The following SLC24A2 variants were observed in gnomAD, a reference collection of about 807,000 sequenced individuals.
SLC24A2 encodes the protein solute carrier family 24 member 2.
In SLC24A2, 36 loss-of-function variants were observed where a neutral mutation model predicts 62.0. The ratio of observed to expected loss-of-function variants is 0.58; its 90% CI spans 0.44 to 0.77. The LOEUF (loss-of-function observed/expected upper bound fraction) is 0.77. Among genes scored for constraint, SLC24A2 ranks in the 30% least tolerant of loss-of-function variants. The probability of loss-of-function intolerance (pLI) is 0.00; values close to 1 mark genes in which losing one functional copy is unlikely to be tolerated. For missense variants in SLC24A2, 846 were observed against 817.9 expected, an observed-to-expected ratio of 1.03 and a Z score of -0.42; for synonymous variants, 358 against 294.0, an observed-to-expected ratio of 1.22 and a Z score of -2.23.
chr9:20,145,694 C>T, the SLC24A2 span, among the ~76,000 whole-genome samples: 1 of 151,400 alleles, frequency 6.6e-6, no homozygotes, highest in Admixed American at 6.6e-5. Flanking sequence ...ACAATCCTAC[C>T]CCTTCCTCAG....
intron 5 of SLC24A2, among the ~76,000 whole-genome samples, chr9:19,595,006 CT>C (rs1836667387): frequency 1.3e-5 from 2 of 152,276 alleles, no homozygotes; most frequent in South Asian, 4.1e-4. Context: ...TTTTCTAGTA[CT>C]TGAGAGGGAT....
the SLC24A2 span, among the ~76,000 whole-genome samples, chr9:19,944,904 A>T: frequency 3.3e-5 from 5 of 152,180 alleles, no homozygotes; most frequent in Non-Finnish European, 7.4e-5. Flanking sequence ...TCAGATTTCT[A>T]TTTGAAGAAA....
chr9:19,887,915 C>T, the SLC24A2 span, among the ~76,000 whole-genome samples: 6 of 152,156 alleles, frequency 3.9e-5, no homozygotes, highest in Non-Finnish European at 8.8e-5. Context: ...GAAAACCAAA[C>T]ATTGCATGTT....
the SLC24A2 span, among the ~76,000 whole-genome samples, chr9:19,906,176 G>T: frequency 4.6e-5 from 7 of 152,078 alleles, no homozygotes; most frequent in Non-Finnish European, 7.4e-5. Flanking sequence ...AAGAAACTCA[G>T]TCAAAAACAC....
intron 7 of SLC24A2, among the ~76,000 whole-genome samples, chr9:19,555,617 G>A (rs1586950718): frequency 6.6e-6 from 1 of 152,212 alleles, no homozygotes; most frequent in Admixed American, 6.5e-5. Flanking sequence ...CTTCAGTGGT[G>A]TAATAGAAAT....
chr9:19,697,545 G>T (rs1283236288), intron 2 of SLC24A2, among the ~76,000 whole-genome samples: 1 of 152,088 alleles, frequency 6.6e-6, no homozygotes, highest in Non-Finnish European at 1.5e-5. Context: ...CTTTTTAATT[G>T]CATAAATAAG....
chr9:19,541,910 G>A (rs1053774274), intron 8 of SLC24A2, among the ~76,000 whole-genome samples: 9 of 152,290 alleles, frequency 5.9e-5, no homozygotes, highest in Admixed American at 2.6e-4. Flanking sequence ...GTCTCCTGGT[G>A]CGCCGTTTTT....
chr9:19,863,782 T>G, the SLC24A2 span, among the ~76,000 whole-genome samples: 1,198 of 151,726 alleles, frequency 7.9e-3, 22 homozygotes, highest in African/African-American at 0.028. Context: ...CCTGATGGTG[T>G]ATCTTAAAGA....
At chr9:20,187,989 A>G in the SLC24A2 span, among the ~76,000 whole-genome samples, 13 of 152,304 alleles carry the variant, frequency 8.5e-5, no homozygotes, top group Admixed American at 8.5e-4. Flanking sequence ...ACTGTCTTTC[A>G]TCTCTGAAGC....
At chr9:19,584,074 A>G (rs1323381167) in intron 5 of SLC24A2, among the ~76,000 whole-genome samples, 2 of 152,064 alleles carry the variant, frequency 1.3e-5, no homozygotes, top group African/African-American at 4.8e-5. Flanking sequence ...TGCTTTCCCC[A>G]GCAGAGAGCA....
At chr9:20,110,482 A>C in the SLC24A2 span, among the ~76,000 whole-genome samples, 1 of 152,004 alleles carries the variant, frequency 6.6e-6, no homozygotes, top group Non-Finnish European at 1.5e-5. Flanking sequence ...TCTTACACTA[A>C]CTTAAGTGAT....
chr9:19,582,503 C>T (rs1836237713), intron 5 of SLC24A2, among the ~76,000 whole-genome samples: 1 of 152,138 alleles, frequency 6.6e-6, no homozygotes, highest in Admixed American at 6.5e-5. Context: ...GCTCGGTGAA[C>T]AGACCATGGC....
At position 19,509,471 on chromosome 9, in the gene SLC24A2, G is replaced by A. The variant is rs1832631194; in HGVS notation, c.*6682C>T. On this transcript the variant is annotated 3_prime_UTR_variant, in exon 11 of 11. Transcript: ENST00000341998. ...GCTTATTGATTGACTATATTCAGAAGCCCTGAATATATGTATTATTGGTAT... is the reference window on the plus strand; with the variant it reads ...GCTTATTGATTGACTATATTCAGAAACCCTGAATATATGTATTATTGGTAT... 6.6e-6 allele frequency: 1 copy of A among 152,008 alleles called. No individual in the cohort carries two copies. The highest frequency in any genetic ancestry group is 1.5e-5 in the Non-Finnish European group (1 of 67,974). 9.4% of individuals were successfully genotyped at this position (152,008 alleles called of 1,614,324 possible).
the SLC24A2 span, among the ~76,000 whole-genome samples, chr9:19,918,116 TTTC>T: frequency 4.7e-4 from 71 of 150,810 alleles, 1 homozygote; most frequent in Admixed American, 2.2e-3. Context: ...TAATCATATT[TTTC>T]TTCTTCTAAC....
the SLC24A2 span, among the ~76,000 whole-genome samples, chr9:20,267,058 G>GAAAAAAAAAAAA: frequency 7.8e-6 from 1 of 127,632 alleles, no homozygotes. Flanking sequence ...CTTAAGAAAT[G>GAAAAAAAAAAAA]AAAAAAAAAA....
chr9:20,279,022 G>A, the SLC24A2 span, among the ~76,000 whole-genome samples: 1 of 152,160 alleles, frequency 6.6e-6, no homozygotes, highest in African/African-American at 2.4e-5. Flanking sequence ...GCAGGAAGGA[G>A]AAGAATGAGA....
chr9:19,842,110 G>A, the SLC24A2 span, among the ~76,000 whole-genome samples: 4 of 152,310 alleles, frequency 2.6e-5, no homozygotes, highest in East Asian at 7.7e-4. Context: ...GGAAGTGGCA[G>A]AGATTCATCT....
At chr9:19,884,996 G>A in the SLC24A2 span, among the ~76,000 whole-genome samples, 3 of 152,176 alleles carry the variant, frequency 2.0e-5, no homozygotes, top group Non-Finnish European at 4.4e-5. Context: ...GACAAGGTTG[G>A]ATGGGACTGG....
At chr9:20,119,937 C>T in the SLC24A2 span, among the ~76,000 whole-genome samples, 6 of 152,112 alleles carry the variant, frequency 3.9e-5, no homozygotes, top group Non-Finnish European at 8.8e-5. Context: ...AATTTATTGC[C>T]TTCCAGTTTT....
Sources: gnomAD v4.1 joint callset for allele counts (sites outside exome capture counted in the v4.1 genomes callset) on GRCh38, gnomAD v4.1.1 for gene constraint, MANE v1.5 for transcripts, NCBI Gene and HGNC (gene_info 2026-07-23, HGNC 2026-07-21) for gene names.